Variants in SLCO3A1 observed in about 807,000 individuals in gnomAD.
SLCO3A1 encodes PGE1 transporter.
SLCO3A1 carries 27 observed loss-of-function variants against 63.1 expected under a neutral mutation model. That is an observed-to-expected ratio of 0.43 (90% CI 0.32 to 0.59). The LOEUF is 0.59. Among genes scored for constraint, SLCO3A1 ranks in the 20% least tolerant of loss-of-function variants. The probability of loss-of-function intolerance (pLI) is 0.09; values close to 1 mark genes in which losing one functional copy is unlikely to be tolerated. For missense variants in SLCO3A1, 773 were observed against 945.8 expected (o/e 0.82, Z 2.40); for synonymous variants, 473 against 409.9 (o/e 1.15, Z -1.86).
At chr15:92,061,960 C>T (rs2047091842) in intron 2 of SLCO3A1, among the ~76,000 whole-genome samples, 1 of 152,206 alleles carries the variant, frequency 6.6e-6, no homozygotes, top group South Asian at 2.1e-4. Flanking sequence ...ACGCATCTGC[C>T]ACCATCCAGA....
At chr15:92,110,645 G>A (rs1351616094) in intron 4 of SLCO3A1, among the ~76,000 whole-genome samples, 2 of 152,152 alleles carry the variant, frequency 1.3e-5, no homozygotes, top group East Asian at 1.9e-4. Context: ...CCCCTTCCAA[G>A]GCACATCATA....
chr15:92,030,794 G>A (rs1453064193), intron 2 of SLCO3A1, among the ~76,000 whole-genome samples: 1 of 152,068 alleles, frequency 6.6e-6, no homozygotes, highest in Non-Finnish European at 1.5e-5. Flanking sequence ...CTTAGCGCTC[G>A]CATTCTAAGT....
chr15:92,102,549 A>G (rs1251899019), intron 3 of SLCO3A1, among the ~76,000 whole-genome samples: 1 of 145,768 alleles, frequency 6.9e-6, no homozygotes, highest in Admixed American at 7.2e-5. Context: ...GCCCAGTGTC[A>G]CATGCTAGTA....
intron 4 of SLCO3A1, among the ~76,000 whole-genome samples, chr15:92,113,412 C>T (rs900098387): frequency 2.6e-5 from 4 of 152,078 alleles, no homozygotes; most frequent in Admixed American, 6.6e-5. Flanking sequence ...CCCGCCAGCC[C>T]GCACCCAGCT....
chr15:91,933,199 C>T (rs1899294600), intron 2 of SLCO3A1, among the ~76,000 whole-genome samples: 1 of 152,130 alleles, frequency 6.6e-6, no homozygotes, highest in Non-Finnish European at 1.5e-5. Flanking sequence ...TGGCTTCTCT[C>T]TGTGCAGTTA....
At chr15:92,044,094 T>C (rs34250696) in intron 2 of SLCO3A1, among the ~76,000 whole-genome samples, 14,103 of 152,182 alleles carry the variant, frequency 0.093, 744 homozygotes, top group East Asian at 0.19. Context: ...TAGACCATTA[T>C]ACGAATTCTT....
intron 2 of SLCO3A1, among the ~76,000 whole-genome samples, chr15:92,074,273 T>C (rs1241022135): frequency 6.6e-6 from 1 of 152,224 alleles, no homozygotes; most frequent in Non-Finnish European, 1.5e-5. Flanking sequence ...AGTTGCTGCC[T>C]GCCCATTGCT....
chr15:91,926,596 T>TGTGTGTGTGTGTGTGTGTGCGCGCGCGC, intron 2 of SLCO3A1, among the ~76,000 whole-genome samples: 12 of 105,252 alleles, frequency 1.1e-4, no homozygotes, highest in African/African-American at 4.0e-4. Context: ...TGTGTGTGTG[T>TGTGTGTGTGTGTGTGTGTGCGCGCGCGC]GCGCGCGCGC....
At chr15:91,962,913 T>C (rs1276686264) in intron 2 of SLCO3A1, among the ~76,000 whole-genome samples, 5 of 152,024 alleles carry the variant, frequency 3.3e-5, no homozygotes, top group Non-Finnish European at 7.3e-5. Flanking sequence ...CCAGAGCTTA[T>C]ATACTTTCTA....
At chr15:92,068,761 A>G (rs997280229) in intron 2 of SLCO3A1, among the ~76,000 whole-genome samples, 8 of 152,188 alleles carry the variant, frequency 5.3e-5, no homozygotes, top group Admixed American at 6.5e-5. Context: ...AGAACTAGAA[A>G]GCAGAAAGAT....
At chr15:92,099,416 C>G (rs1259649608) in intron 3 of SLCO3A1, among the ~76,000 whole-genome samples, 2 of 150,582 alleles carry the variant, frequency 1.3e-5, no homozygotes, top group Non-Finnish European at 2.9e-5. Flanking sequence ...AAAAGTTTGG[C>G]AACATAGGTT....
intron 5 of SLCO3A1, 27 bp downstream of exon 5, chr15:92,120,656 AG>A: frequency 6.7e-7 from 1 of 1,488,476 alleles, no homozygotes. Flanking sequence ...GCCTCCTGAG[AG>A]GGTCGGGGGA....
intron 2 of SLCO3A1, among the ~76,000 whole-genome samples, chr15:92,083,867 A>G (rs577377437): frequency 6.6e-6 from 1 of 152,268 alleles, no homozygotes; most frequent in South Asian, 2.1e-4. Flanking sequence ...CAATCCTGCG[A>G]GGTGGGTACT....
At position 91,854,197 on chromosome 15, in the gene SLCO3A1, C is replaced by A. The variant is rs1896851595; in HGVS notation, c.180+109C>A. The A allele has an allele frequency of 8.6e-7, 1 of 1,166,922 alleles. No homozygotes were observed. Among genetic ancestry groups the A allele is most frequent in the Non-Finnish European group, 1.1e-6 (1 of 911,392 alleles). The allele number at this position is 1,166,922 out of a possible 1,614,324, so 72.3% of individuals were successfully genotyped here. A position where few individuals can be genotyped will look rare whatever the true frequency, so the allele number is the denominator to read the frequency against. On this transcript the variant is annotated intron_variant, in intron 1 of 9. Transcript: ENST00000318445. This position sits in a 1 kb window ranked among gnomAD's most constrained non-coding sequence, Gnocchi z 6.4. ...CGGCGCTGGGGGCAGGCGGGCATGA[C>A]CTCGGCCCGGCGTGGAGGTTGGCGA...
downstream of SLCO3A1, among the ~76,000 whole-genome samples, chr15:92,166,299 G>A (rs373419546): frequency 6.6e-6 from 1 of 152,226 alleles, no homozygotes; most frequent in Non-Finnish European, 1.5e-5. Flanking sequence ...GTCCCCCCGA[G>A]GAGCTTGCTA....
intron 2 of SLCO3A1, among the ~76,000 whole-genome samples, chr15:92,052,990 G>A (rs1000109294): frequency 1.3e-5 from 2 of 152,028 alleles, no homozygotes; most frequent in Admixed American, 6.6e-5. Context: ...TGGACAGTGC[G>A]GCTCTAGAAC....
intron 2 of SLCO3A1, among the ~76,000 whole-genome samples, chr15:91,989,377 T>C (rs1005843073): frequency 1.8e-4 from 28 of 152,226 alleles, no homozygotes; most frequent in African/African-American, 6.8e-4. Context: ...AGCCTTACCT[T>C]CTGCAGTTTT....
At chr15:92,113,812 C>T (rs1341219564) in intron 4 of SLCO3A1, among the ~76,000 whole-genome samples, 1 of 152,214 alleles carries the variant, frequency 6.6e-6, no homozygotes, top group Non-Finnish European at 1.5e-5. Context: ...GCTTAGACAC[C>T]TCCAGAATCG....
At position 92,163,685 on chromosome 15, in the gene SLCO3A1, T is replaced by A. The variant is rs2048469295; in HGVS notation, c.*550T>A. ...GTCGGAGGGGTGGAAGCACCACTCC[T>A]CTCTCTGACTTTCGCAATATGGGTC... On this transcript the variant is annotated 3_prime_UTR_variant, in exon 10 of 10. Transcript: ENST00000318445. The A allele has an allele frequency of 1.0e-6, 1 of 985,204 alleles. No individual in the cohort carries two copies. Among genetic ancestry groups the A allele is most frequent in the Admixed American group, 6.2e-5 (1 of 16,260 alleles). The allele number at this position is 985,204 out of a possible 1,614,324, so 61.0% of individuals were successfully genotyped here. A position where few individuals can be genotyped will look rare whatever the true frequency, so the allele number is the denominator to read the frequency against.
Sources: allele counts gnomAD v4.1 joint callset (sites outside exome capture counted in the v4.1 genomes callset), GRCh38; gene constraint gnomAD v4.1.1; non-coding constraint Gnocchi (gnomAD v3.1); transcripts MANE v1.5; gene names NCBI Gene and HGNC (gene_info 2026-07-23, HGNC 2026-07-21).